Variants in CSF2RB observed in about 807,000 individuals in gnomAD.
CSF2RB encodes cytokine receptor common subunit beta.
A neutral mutation model predicts 67.2 loss-of-function variants in CSF2RB; 22 were observed. The ratio of observed to expected loss-of-function variants is 0.33; its 90% CI spans 0.23 to 0.47. The LOEUF is 0.47. Among genes scored for constraint, CSF2RB ranks in the 20% least tolerant of loss-of-function variants. CSF2RB has a pLI of 1.00. For missense variants in CSF2RB, 1,113 were observed against 1,174.5 expected, an observed-to-expected ratio of 0.95 and a Z score of 0.76; for synonymous variants, 507 against 482.9, an observed-to-expected ratio of 1.05 and a Z score of -0.65.
chr22:36,920,346 T>G (rs4821567), intron 1 of CSF2RB, among the ~76,000 whole-genome samples: 66,890 of 152,088 alleles, frequency 0.44, 16,667 homozygotes, highest in Admixed American at 0.58. Context: ...TGCAACCTAA[T>G]CCCCAATGTG....
At chr22:36,933,433 G>T (rs1941198869) in intron 9 of CSF2RB, among the ~76,000 whole-genome samples, 1 of 152,234 alleles carries the variant, frequency 6.6e-6, no homozygotes, top group African/African-American at 2.4e-5. Flanking sequence ...GGTGGAGCCA[G>T]GAGCGGGCCC....
chr22:36,936,435 A>T (rs1294760821), intron 12 of CSF2RB, 114 bp from the exon 13 acceptor site: 1 of 819,468 alleles, frequency 1.2e-6, no homozygotes, highest in East Asian at 2.6e-5. Flanking sequence ...AGAAGTGGAG[A>T]TTCTTCTCTT....
chr22:36,932,255 T>C (rs889041167), intron 8 of CSF2RB, among the ~76,000 whole-genome samples: 2 of 152,042 alleles, frequency 1.3e-5, no homozygotes, highest in Non-Finnish European at 2.9e-5. Flanking sequence ...GCCAACATGG[T>C]GAAACCCCGT....
In CSF2RB at chr22:36,933,897, C is replaced by T. The variant is rs138263105; in HGVS notation, c.1218C>T (p.Thr406=). 8.7e-5 allele frequency: 141 copies of T among 1,611,912 alleles called. No individual in the cohort carries two copies. The African/African-American group carries it at 1.6e-3, about 18-fold the overall frequency. ...CCCTGCCAGCCCTGGAGCCCTCCAC[C>T]AGGTACTGGGCCAGGGTGAGGGTCA... is the stretch of plus-strand genomic sequence containing the variant. ...SMALPALEPS[T]RYWARVRVRT... Residue 406 remains threonine (T), a synonymous_variant, in exon 10 of 14, where the codon ACC becomes ACT. Transcript: ENST00000403662.
Position 36,932,989 on chromosome 22 carries a change from G to A in CSF2RB, c.1152+85G>A, listed in dbSNP as rs1045729460. The A allele has an allele frequency of 2.1e-5, 32 of 1,558,676 alleles. No individual in the cohort carries two copies. The South Asian group carries it at 2.2e-4, about 11-fold the overall frequency. On this transcript the variant is annotated intron_variant, in intron 9 of 13. Transcript: ENST00000403662. ...ACCAGAGGCATTCCACCTGCAAGGC[G>A]TCGGGCCCTTGGCAGGTGACCAGTG...
intron 4 of CSF2RB, among the ~76,000 whole-genome samples, chr22:36,929,051 C>T (rs535197085): frequency 6.6e-6 from 1 of 152,328 alleles, no homozygotes; most frequent in East Asian, 1.9e-4. Context: ...GGGGAGGCCG[C>T]TGAACCGCAG....
chr22:36,916,028 A>T (rs1940708657), intron 1 of CSF2RB, among the ~76,000 whole-genome samples: 1 of 152,180 alleles, frequency 6.6e-6, no homozygotes, highest in Non-Finnish European at 1.5e-5. Flanking sequence ...TATGTTGAAA[A>T]TATATTCTCC....
chr22:36,925,017 G>T (rs943596532), intron 3 of CSF2RB, among the ~76,000 whole-genome samples: 4 of 152,142 alleles, frequency 2.6e-5, no homozygotes, highest in Non-Finnish European at 5.9e-5. Context: ...CTCTCCACCT[G>T]TCACTTAGAC....
intron 13 of CSF2RB, 44 bp downstream of exon 13, chr22:36,936,696 G>T (rs746251060): frequency 5.2e-6 from 8 of 1,526,040 alleles, no homozygotes; most frequent in Middle Eastern, 1.7e-4. Flanking sequence ...GGGTTCATAC[G>T]GGGGGCTGAC....
At position 36,939,958 on chromosome 22, in the gene CSF2RB, T is replaced by C. The variant is rs915781121; in HGVS notation, c.*1456T>C. 10 of 152,282 alleles carry C rather than the reference T, an allele frequency of 6.6e-5. No individual in the cohort carries two copies. Among genetic ancestry groups the C allele is most frequent in the African/African-American group, 2.2e-4 (9 of 41,476 alleles). 9.4% of individuals were successfully genotyped at this position (152,282 alleles called of 1,614,324 possible). On this transcript the variant is annotated 3_prime_UTR_variant, in exon 14 of 14. Coordinates refer to ENST00000403662, the MANE Select transcript of CSF2RB (RefSeq NM_000395.3). ...CATTTTGTGTTTCCAACTTTTCATG[T>C]AAAATTTTAATTATTTTTGAATGTG... is the stretch of plus-strand genomic sequence containing the variant.
chr22:36,916,546 G>C (rs1345571619), intron 1 of CSF2RB, among the ~76,000 whole-genome samples: 1 of 152,040 alleles, frequency 6.6e-6, no homozygotes, highest in African/African-American at 2.4e-5. Flanking sequence ...CTCATCTCTG[G>C]TTTGTTATAA....
chr22:36,938,569 A>G lies in CSF2RB; in HGVS notation c.*67A>G. 6.6e-6 allele frequency: 10 copies of G among 1,518,174 alleles called. No individual in the cohort carries two copies. The highest frequency in any genetic ancestry group is 8.9e-6 in the Non-Finnish European group (10 of 1,129,250). The allele number at this position is 1,518,174 out of a possible 1,614,324, so 94.0% of individuals were successfully genotyped here. A position where few individuals can be genotyped will look rare whatever the true frequency, so the allele number is the denominator to read the frequency against. On this transcript the variant is annotated 3_prime_UTR_variant, in exon 14 of 14. Coordinates refer to ENST00000403662, the MANE Select transcript of CSF2RB (RefSeq NM_000395.3). ...CCTTCCCTCCCGCCTGACCTTCCTC[A>G]GTCATTTCTGCAAAGCCAAGGGGCA... is the stretch of plus-strand genomic sequence containing the variant.
chr22:36,936,443 C>CT, intron 12 of CSF2RB, 106 bp from the exon 13 acceptor site: 1 of 864,980 alleles, frequency 1.2e-6, no homozygotes, highest in South Asian at 1.4e-5. Context: ...AGATTCTTCT[C>CT]TTGTCTGGGG....
chr22:36,916,350 A>C (rs1251609551), intron 1 of CSF2RB, among the ~76,000 whole-genome samples: 1 of 152,212 alleles, frequency 6.6e-6, no homozygotes, highest in Non-Finnish European at 1.5e-5. Context: ...TTTTAAAAAT[A>C]ATTACCATCT....
intron 1 of CSF2RB, among the ~76,000 whole-genome samples, chr22:36,921,280 GTATA>G (rs1569130887): frequency 1.9e-5 from 1 of 51,876 alleles, no homozygotes; most frequent in Non-Finnish European, 6.4e-5. Context: ...GTTTGTGTGT[GTATA>G]TGTGTGTATA....
chr22:36,938,165 C>A lies in CSF2RB; in HGVS notation c.2357C>A (p.Pro786His). The A allele has an allele frequency of 6.2e-7, 1 of 1,614,140 alleles. No individual in the cohort carries two copies. The highest frequency in any genetic ancestry group is 1.3e-5 in the African/African-American group (1 of 75,042). Residue 786 changes from proline (P) to histidine (H), a missense_variant, in exon 14 of 14, where the codon CCC (proline) becomes CAC (histidine). Physicochemically the swap from Pro to His is moderately conservative, Grantham distance 77. Transcript: ENST00000403662. ...SPRSPRNNPVPPEAKSPVLNP... is the reference protein window; with the variant it reads ...SPRSPRNNPVHPEAKSPVLNP... Reference sequence around the variant, plus strand: ...AGGTCACCAAGGAACAATCCTGTCCCCCCTGAGGCCAAAAGCCCTGTCCTG... The same window carrying A: ...AGGTCACCAAGGAACAATCCTGTCCACCCTGAGGCCAAAAGCCCTGTCCTG...
At chr22:36,914,262 A>C (rs539304185) in intron 1 of CSF2RB, among the ~76,000 whole-genome samples, 5 of 152,222 alleles carry the variant, frequency 3.3e-5, no homozygotes, top group Non-Finnish European at 7.4e-5. Context: ...TAAGAGGCAG[A>C]GGGTGAAACC....
rs779045402 is a variant in CSF2RB, at chr22:36,937,511, G to T, written c.1703G>T (p.Ser568Ile). 18 of 1,613,686 alleles carry T rather than the reference G, an allele frequency of 1.1e-5. No individual in the cohort carries two copies. The highest frequency in any genetic ancestry group is 1.4e-5 in the Non-Finnish European group (16 of 1,179,934). ...GATCTACCCACAGAGCAGCCCCCCA[G>T]CCCCCAGCCAGGCCCGCCTGCCGCC... The part of the protein sequence containing the change: ...ASDLPTEQPP[S>I]PQPGPPAASH... The change falls in exon 14 of 14, where the codon AGC becomes ATC. Residue 568 changes from serine (S) to isoleucine (I), a missense_variant. Around this residue, in one of 2 missense-constraint regions of CSF2RB, gnomAD observed 554 missense variants for 517.9 expected, o/e 1.07. Coordinates refer to ENST00000403662, the MANE Select transcript of CSF2RB (RefSeq NM_000395.3). This position sits in a 1 kb window ranked among gnomAD's most constrained non-coding sequence, Gnocchi z 4.6.
intron 1 of CSF2RB, among the ~76,000 whole-genome samples, chr22:36,913,997 A>G (rs1418451293): frequency 6.6e-6 from 1 of 151,992 alleles, no homozygotes; most frequent in Admixed American, 6.6e-5. Flanking sequence ...AAGAGAGCTC[A>G]GGCCTGGGAG....
Sources: gnomAD v4.1 joint callset for allele counts (sites outside exome capture counted in the v4.1 genomes callset) on GRCh38, gnomAD v4.1.1 for gene constraint, gnomAD v4.1.1 regional missense constraint, Gnocchi (gnomAD v3.1) non-coding constraint, MANE v1.5 for transcripts, NCBI Gene and HGNC (gene_info 2026-07-23, HGNC 2026-07-21) for gene names.